The following SRRM3 variants were observed in gnomAD, a reference collection of about 807,000 sequenced individuals.
SRRM3 encodes serine/arginine repetitive matrix protein 3.
In SRRM3, 27 loss-of-function variants were observed where a neutral mutation model predicts 66.2. The observed-to-expected ratio is 0.41, with a 90% CI of 0.30 to 0.56. SRRM3 has a LOEUF of 0.56. SRRM3 is among the 20% of genes least tolerant of loss of function. The pLI, the probability that SRRM3 is intolerant of heterozygous loss-of-function variation, is 0.32. For synonymous variants in SRRM3, 391 were observed against 414.9 expected (o/e 0.94, Z 0.70); for missense variants, 918 against 991.9 (o/e 0.93, Z 1.00).
At chr7:76,219,553 A>T (rs1800660782) in intron 1 of SRRM3, among the ~76,000 whole-genome samples, 1 of 152,128 alleles carries the variant, frequency 6.6e-6, no homozygotes, top group South Asian at 2.1e-4. Context: ...TGCTCCAGGA[A>T]CCCAAATCAG....
Position 76,281,818 on chromosome 7 carries a change from C to T in SRRM3, c.1370+16C>T. ...ACGGGAAACGGTGAGCGTGCTGGAC[C>T]CGGAGCTGGACTCCCGCCCCCACCC... On this transcript the variant is annotated intron_variant, in intron 12 of 14. Coordinates refer to ENST00000611745, the MANE Select transcript of SRRM3 (RefSeq NM_001110199.3). 3 of 1,346,360 alleles carry T rather than the reference C, an allele frequency of 2.2e-6. No individual in the cohort carries two copies. Among genetic ancestry groups the T allele is most frequent in the Admixed American group, 3.6e-5 (1 of 27,856 alleles). 83.4% of individuals were successfully genotyped at this position (1,346,360 alleles called of 1,614,324 possible).
intron 2 of SRRM3, among the ~76,000 whole-genome samples, chr7:76,246,451 C>T (rs1674281132): frequency 1.3e-5 from 2 of 152,036 alleles, no homozygotes; most frequent in South Asian, 4.1e-4. Context: ...GTAATCCCAG[C>T]TATTTGGGTG....
intron 1 of SRRM3, among the ~76,000 whole-genome samples, chr7:76,231,237 C>A (rs1333251267): frequency 6.6e-6 from 1 of 152,192 alleles, no homozygotes; most frequent in Non-Finnish European, 1.5e-5. Context: ...GCCTCTCCAA[C>A]TCACCAGGTG....
intron 2 of SRRM3, among the ~76,000 whole-genome samples, chr7:76,236,443 T>TG (rs1375299810): frequency 0.031 from 231 of 7,490 alleles, 2 homozygotes; most frequent in Admixed American, 0.1. Context: ...CTACACGGGG[T>TG]GGGGGGGCGG....
At chr7:76,260,820 C>T in intron 5 of SRRM3, 54 bp from the exon 6 acceptor site, 1 of 1,544,932 alleles carries the variant, frequency 6.5e-7, no homozygotes, top group South Asian at 1.2e-5. Context: ...GTGTCTGGGG[C>T]CCCAACTAAC....
At chr7:76,234,833 G>A (rs766356962) in intron 1 of SRRM3, 195 bp from the exon 2 acceptor site, 14 of 533,356 alleles carry the variant, frequency 2.6e-5, no homozygotes, top group Non-Finnish European at 2.9e-5. Context: ...AAAAAGCCCA[G>A]TGTCCAACCC....
chr7:76,235,120 C>T lies in SRRM3; in HGVS notation c.54C>T (p.Ala18=), dbSNP rs782107978. ...CCAGCATGCAGTCCACACCCGACGC[C>T]GCGAACGGCTTCCCGCAGCCCAGCT... The part of the protein sequence containing the change: ...GAASMQSTPD[A]ANGFPQPSSS... Residue 18 remains alanine (A), a synonymous_variant, in exon 2 of 15, where the codon GCC becomes GCT. Coordinates refer to ENST00000611745, the MANE Select transcript of SRRM3 (RefSeq NM_001110199.3). 6.9e-6 allele frequency: 11 copies of T among 1,585,678 alleles called. No homozygotes were observed. The highest frequency in any genetic ancestry group is 8.5e-6 in the Non-Finnish European group (10 of 1,171,758).
intron 8 of SRRM3, among the ~76,000 whole-genome samples, chr7:76,264,323 C>A (rs571974292): frequency 6.6e-6 from 1 of 151,992 alleles, no homozygotes; most frequent in Non-Finnish European, 1.5e-5. Context: ...CACACCACCA[C>A]GCCTGGCTAA....
At chr7:76,261,604 C>T (rs2117060983) in intron 8 of SRRM3, 23 bp downstream of exon 8, 2 of 1,607,484 alleles carry the variant, frequency 1.2e-6, no homozygotes, top group South Asian at 1.1e-5. Flanking sequence ...TTGCAGAGGA[C>T]ATGGTCAGTG....
Position 76,282,967 on chromosome 7 carries a change from C to A in SRRM3, c.1599C>A (p.Asp533Glu). The A allele has an allele frequency of 7.2e-7, 1 of 1,383,666 alleles. No homozygotes were observed. The highest frequency in any genetic ancestry group is 9.3e-7 in the Non-Finnish European group (1 of 1,073,286). The allele number at this position is 1,383,666 out of a possible 1,614,324, so 85.7% of individuals were successfully genotyped here. ...SPSPKKPLSR[D>E]KDGEGRARHS... is the part of the protein sequence containing the mutation. The stretch of plus-strand genomic sequence containing the variant: ...TTACCTCGCGCCGGCCCCGCAGGGA[C>A]AAGGACGGCGAGGGCCGCGCAAGGC... Residue 533 changes from aspartate (D) to glutamate (E), a missense_variant, in exon 14 of 15, where the codon GAC becomes GAA. Physicochemically the swap from Asp to Glu is conservative, Grantham distance 45. Coordinates refer to ENST00000611745, the MANE Select transcript of SRRM3 (RefSeq NM_001110199.3).
chr7:76,257,602 C>T (rs782007657), intron 3 of SRRM3, among the ~76,000 whole-genome samples: 28 of 151,758 alleles, frequency 1.8e-4, no homozygotes, highest in Non-Finnish European at 3.7e-4. Context: ...GACCCCATCT[C>T]TACAAAAAAA....
At chr7:76,206,967 G>A (rs1053486076) in intron 1 of SRRM3, among the ~76,000 whole-genome samples, 5 of 152,132 alleles carry the variant, frequency 3.3e-5, no homozygotes, top group Non-Finnish European at 7.3e-5. Context: ...GGGTCCAGGC[G>A]ACTTCCTCAG....
intron 1 of SRRM3, among the ~76,000 whole-genome samples, chr7:76,208,512 A>T (rs1554601363): frequency 6.6e-6 from 1 of 151,652 alleles, no homozygotes; most frequent in African/African-American, 2.4e-5. Flanking sequence ...CTACAAAAAA[A>T]AAAAGAAGAA....
rs60646233 is a variant in SRRM3, at chr7:76,211,816, CTATTATTAT to C, written c.-40+9782_-40+9790del. On this transcript the variant is annotated intron_variant, in intron 1 of 14. Transcript: ENST00000611745. ...AATTTTATTATTATTACTATTACTACTATTATTATTATTATTATTATTATTATTATTATT... is the reference window on the plus strand; with the variant it reads ...AATTTTATTATTATTACTATTACTACTATTATTATTATTATTATTATTATT... Among the ~76,000 whole-genome samples the C allele has an allele frequency of 7.3e-3, 1,033 of 140,634 alleles. 9 individuals are homozygous for C. The highest frequency in any genetic ancestry group is 0.022 in the Middle Eastern group (6 of 276). 92.3% of individuals were successfully genotyped at this position (140,634 alleles called of 152,430 possible). A position where few individuals can be genotyped will look rare whatever the true frequency, so the allele number is the denominator to read the frequency against.
At chr7:76,253,897 A>G (rs1049526516) in intron 3 of SRRM3, among the ~76,000 whole-genome samples, 10 of 152,054 alleles carry the variant, frequency 6.6e-5, no homozygotes, top group Non-Finnish European at 2.9e-5. Flanking sequence ...CACACAGCAC[A>G]AAGCCAGTAA....
chr7:76,278,412 G>A (rs769242411), intron 11 of SRRM3, among the ~76,000 whole-genome samples: 16 of 152,070 alleles, frequency 1.1e-4, no homozygotes, highest in Non-Finnish European at 1.9e-4. Flanking sequence ...GCTTGAACCC[G>A]GGAAGCAGAG....
intron 8 of SRRM3, among the ~76,000 whole-genome samples, 166 bp downstream of exon 8, chr7:76,261,747 A>G (rs1285267823): frequency 6.6e-6 from 1 of 151,916 alleles, no homozygotes; most frequent in Non-Finnish European, 1.5e-5. Flanking sequence ...GAGAAGGAGC[A>G]TGAAAACCAA....
chr7:76,210,192 C>T (rs1197192347), intron 1 of SRRM3, among the ~76,000 whole-genome samples: 1 of 152,154 alleles, frequency 6.6e-6, no homozygotes, highest in African/African-American at 2.4e-5. Flanking sequence ...ATGGCACAGC[C>T]CTTGGTATCA....
intron 1 of SRRM3, among the ~76,000 whole-genome samples, chr7:76,217,610 A>G (rs543471287): frequency 2.6e-5 from 4 of 152,298 alleles, no homozygotes; most frequent in African/African-American, 9.6e-5. Flanking sequence ...TACGTCCAGC[A>G]TAAAACCTTC....
Sources: gnomAD v4.1 joint callset for allele counts (sites outside exome capture counted in the v4.1 genomes callset) on GRCh38, gnomAD v4.1.1 for gene constraint, MANE v1.5 for transcripts, NCBI Gene and HGNC (gene_info 2026-07-23, HGNC 2026-07-21) for gene names.